The following PATZ1 variants were observed in gnomAD, a reference collection of about 807,000 sequenced individuals.
PATZ1 encodes the protein POZ/BTB and AT hook containing zinc finger 1.
PATZ1 carries 9 observed loss-of-function variants against 46.2 expected under a neutral mutation model. The observed-to-expected ratio is 0.19, with a 90% CI of 0.12 to 0.34. PATZ1 has a LOEUF of 0.34. Ranked by LOEUF, PATZ1 falls within the 10% of genes least tolerant of loss-of-function variation. The pLI, the probability that PATZ1 is intolerant of heterozygous loss-of-function variation, is 1.00. For missense variants in PATZ1, 632 were observed against 923.0 expected (o/e 0.68, Z 4.08); for synonymous variants, 426 against 378.6 (o/e 1.13, Z -1.45).
chr22:31,341,770 G>A, intron 2 of PATZ1: 1 of 1,174,152 alleles, frequency 8.5e-7, no homozygotes, highest in East Asian at 2.4e-5. Context: ...ACTCTGCCCG[G>A]GCTAATCAGC....
rs187436867 is a variant in PATZ1 at position 31,335,558 on chromosome 22, T to C, written c.1507+134A>G. On this transcript the variant is annotated intron_variant, in intron 3 of 4. Transcript: ENST00000266269. Reference sequence around the variant, plus strand: ...AATAGCTAGTTGGGTGATGAAGGTGTTTATCATTCAGTGGGAAGTAGGGGG... The same window carrying C: ...AATAGCTAGTTGGGTGATGAAGGTGCTTATCATTCAGTGGGAAGTAGGGGG... 4.0e-5 allele frequency: 32 copies of C among 793,662 alleles called. No individual in the cohort carries two copies. The East Asian group carries it at 5.5e-4, about 14-fold the overall frequency. The allele number at this position is 793,662 out of a possible 1,614,324, so 49.2% of individuals were successfully genotyped here.
At position 31,345,451 on chromosome 22, in the gene PATZ1, C is replaced by T. The variant is rs2049641475; in HGVS notation, c.152G>A (p.Ser51Asn). 6.2e-7 allele frequency: 1 copy of T among 1,612,452 alleles called. No homozygotes were observed. The highest frequency in any genetic ancestry group is 8.5e-7 in the Non-Finnish European group (1 of 1,179,750). ...CAGCACGGCGCGGTGCGCTGGGAAG[C>T]TCTCGTCGCCTACCCGCAAGAGCAC... ...CDVLLRVGDE[S>N]FPAHRAVLAA... The change falls in exon 1 of 5, where the codon AGC (serine) becomes AAC (asparagine). Residue 51 changes from serine to asparagine, a missense_variant. Transcript: ENST00000266269. This position sits in a 1 kb window ranked among gnomAD's most constrained non-coding sequence, Gnocchi z 7.4.
In PATZ1 at chr22:31,326,838, G is replaced by C. The variant is rs912711050; in HGVS notation, c.*53C>G. 2.7e-6 allele frequency: 4 copies of C among 1,484,292 alleles called. No individual in the cohort carries two copies. The African/African-American group carries it at 5.6e-5, about 21-fold the overall frequency. 91.9% of individuals were successfully genotyped at this position (1,484,292 alleles called of 1,614,324 possible). A position where few individuals can be genotyped will look rare whatever the true frequency, so the allele number is the denominator to read the frequency against. ...AACATCACTTCCCTCCGCATTCACA[G>C]CATTTCCCAGCAGTCCCCAGATGGT... is the stretch of plus-strand genomic sequence containing the variant. On this transcript the variant is annotated 3_prime_UTR_variant, in exon 5 of 5. Transcript: ENST00000266269.
chr22:31,337,874 A>G (rs1163116376), intron 2 of PATZ1: 1 of 152,230 alleles, frequency 6.6e-6, no homozygotes, highest in African/African-American at 2.4e-5. Context: ...CTGTACAGCC[A>G]TAGCAAGAAA....
At chr22:31,333,780 GC>G (rs2049475139) in intron 3 of PATZ1, among the ~76,000 whole-genome samples, 1 of 152,158 alleles carries the variant, frequency 6.6e-6, no homozygotes. Context: ...TATGGCTGTT[GC>G]CCAAGTTCTC....
chr22:31,344,721 G>A lies in PATZ1; in HGVS notation c.882C>T (p.Cys294=), dbSNP rs1337705475. 2 of 1,611,502 alleles carry A rather than the reference G, an allele frequency of 1.2e-6. No homozygotes were observed. The highest frequency in any genetic ancestry group is 1.7e-6 in the Non-Finnish European group (2 of 1,178,320). ...GGLREAGILP[C]GLCGKVFTDA... The stretch of plus-strand genomic sequence containing the variant: ...CAGTGAACACCTTACCACATAGACC[G>A]CATGGAAGGATGCCTGCCTCCCTCA... Residue 294 remains cysteine, a synonymous_variant, in exon 1 of 5, where the codon TGC becomes TGT. Coordinates refer to ENST00000266269, the MANE Select transcript of PATZ1 (RefSeq NM_014323.3).
At chr22:31,343,997 C>T (rs1417710130) in intron 1 of PATZ1, among the ~76,000 whole-genome samples, 5 of 152,174 alleles carry the variant, frequency 3.3e-5, no homozygotes, top group African/African-American at 7.2e-5. Context: ...CAGTCTCCCG[C>T]CCCCAGAGGG....
In PATZ1 at chr22:31,342,821, G is replaced by GCGGCTGGCTCAAGGCTGCGAC. The variant is rs1235460085; in HGVS notation, c.1335+55_1335+75dup. ...GTCAGCCGGGCCCCCGGCACACGCA[G>GCGGCTGGCTCAAGGCTGCGAC]CGGCTGGCTCAAGGCTGCGACCGTG... On this transcript the variant is annotated intron_variant, in intron 2 of 4. Transcript: ENST00000266269. 9 of 1,533,894 alleles carry GCGGCTGGCTCAAGGCTGCGAC rather than the reference G, an allele frequency of 5.9e-6. No individual in the cohort carries two copies. In the African/African-American group the frequency reaches 1.2e-4, roughly 21 times the overall value.
At chr22:31,343,167 G>T (rs1033149510) in intron 1 of PATZ1, 2 of 1,306,388 alleles carry the variant, frequency 1.5e-6, no homozygotes. Flanking sequence ...TCTGGAGGGG[G>T]GAAGAGAAAT....
rs2049388433 is a variant in PATZ1, at chr22:31,327,958, C to T, written c.1646-649G>A. Among the ~76,000 whole-genome samples, 1 of 152,236 alleles carries T rather than the reference C, an allele frequency of 6.6e-6. No homozygotes were observed. The highest frequency in any genetic ancestry group is 1.5e-5 in the Non-Finnish European group (1 of 68,050). On this transcript the variant is annotated intron_variant, in intron 4 of 4. Coordinates refer to ENST00000266269, the MANE Select transcript of PATZ1 (RefSeq NM_014323.3). The surrounding 1 kb of genome is among the most constrained non-coding windows in gnomAD (Gnocchi z 4.2). ...TACTACTCAGTCGGCTGGGTGTCCC[C>T]ACCCTAGGCCCCAGACAAGCTGGGC...
At chr22:31,343,368 C>T (rs2049607409) in intron 1 of PATZ1, 4 of 989,028 alleles carry the variant, frequency 4.0e-6, no homozygotes, top group Non-Finnish European at 4.8e-6. Flanking sequence ...CCTCCCCCAG[C>T]CTCTCCCGCC....
chr22:31,341,705 C>T (rs750210883), intron 2 of PATZ1: 1 of 1,586,380 alleles, frequency 6.3e-7, no homozygotes, highest in Admixed American at 1.8e-5. Context: ...GCAGAGAGTG[C>T]AGGTTACCCC....
Position 31,345,276 on chromosome 22 carries a change from G to A in PATZ1, c.327C>T (p.Ile109=), listed in dbSNP as rs140597902. Residue 109 remains isoleucine, a synonymous_variant, in exon 1 of 5, where the codon ATC becomes ATT. Coordinates refer to ENST00000266269, the MANE Select transcript of PATZ1 (RefSeq NM_014323.3). The surrounding 1 kb of genome is among the most constrained non-coding windows in gnomAD (Gnocchi z 7.4). ...GGSRELEMHT[I]SSKVFGDILD... ...GAATGTCCCCAAATACCTTGGAGCT[G>A]ATAGTGTGCATCTCCAGCTCCCGGC... 91 of 1,612,734 alleles carry A rather than the reference G, an allele frequency of 5.6e-5. No individual in the cohort carries two copies. The African/African-American group carries it at 1.0e-3, about 18-fold the overall frequency.
In PATZ1 at chr22:31,328,917, G is replaced by C; in HGVS notation, c.1515C>G (p.Ser505=). Residue 505 remains serine, a synonymous_variant, in exon 4 of 5, where the codon TCC becomes TCG. Coordinates refer to ENST00000266269, the MANE Select transcript of PATZ1 (RefSeq NM_014323.3). This position sits in a 1 kb window ranked among gnomAD's most constrained non-coding sequence, Gnocchi z 4.8. ...CATGGACCTTTAAGTAGGAGGCAGA[G>C]GAGAAACCTAAACAAGACAAAAGGA... ...NFCSICNRGF[S]SASYLKVHVK... is the part of the protein sequence containing the mutation. 1 of 1,613,568 alleles carries C rather than the reference G, an allele frequency of 6.2e-7. No homozygotes were observed. The highest frequency in any genetic ancestry group is 8.5e-7 in the Non-Finnish European group (1 of 1,179,696).
In PATZ1 at chr22:31,345,891, G is replaced by T. The variant is rs2049650198; in HGVS notation, c.-289C>A. On this transcript the variant is annotated 5_prime_UTR_variant, in exon 1 of 5. Transcript: ENST00000266269. The surrounding 1 kb of genome is among the most constrained non-coding windows in gnomAD (Gnocchi z 7.4). ...TCCCCTTCCCGGTCTACCTTCCGGGGGGGTGCGCGAGCGAAGAGGTGCGCC... is the reference window on the plus strand; with the variant it reads ...TCCCCTTCCCGGTCTACCTTCCGGGTGGGTGCGCGAGCGAAGAGGTGCGCC... The T allele has an allele frequency of 8.3e-6, 3 of 363,612 alleles. No homozygotes were observed. The Admixed American group carries it at 1.4e-4, about 17-fold the overall frequency. The allele number at this position is 363,612 out of a possible 1,614,324, so 22.5% of individuals were successfully genotyped here. A position where few individuals can be genotyped will look rare whatever the true frequency, so the allele number is the denominator to read the frequency against.
chr22:31,344,231 T>C, intron 1 of PATZ1, 101 bp downstream of exon 1: 1 of 1,097,784 alleles, frequency 9.1e-7, no homozygotes, highest in South Asian at 1.5e-5. Flanking sequence ...TTCTATAAGG[T>C]CAAATGACCC....
At chr22:31,341,559 GA>G in intron 2 of PATZ1, 3 of 1,614,144 alleles carry the variant, frequency 1.9e-6, no homozygotes, top group Non-Finnish European at 2.5e-6. Flanking sequence ...TAGAGAAAGG[GA>G]AAAGGCGGTG....
intron 2 of PATZ1, among the ~76,000 whole-genome samples, chr22:31,338,361 AAC>A (rs1411908615): frequency 1.3e-5 from 2 of 152,244 alleles, no homozygotes; most frequent in African/African-American, 4.8e-5. Flanking sequence ...CATACTTTAT[AAC>A]ACAGTGTACA....
At position 31,345,370 on chromosome 22, in the gene PATZ1, C is replaced by G; in HGVS notation, c.233G>C (p.Gly78Ala). ...ATCAGCCGGACCCCCGTCCGCAGCT[C>G]CGCCGTCGCCCAACTGGGCGCTGAA... ...SVFSAQLGDGGAADGGPADVG... is the reference protein window; with the variant it reads ...SVFSAQLGDGAAADGGPADVG... The change falls in exon 1 of 5, where the codon GGA becomes GCA. Residue 78 changes from glycine to alanine, a missense_variant. Around this residue, in one of 7 missense-constraint regions of PATZ1, gnomAD observed 62 missense variants for 67.9 expected, o/e 0.91. Coordinates refer to ENST00000266269, the MANE Select transcript of PATZ1 (RefSeq NM_014323.3). The surrounding 1 kb of genome is among the most constrained non-coding windows in gnomAD (Gnocchi z 7.4). 1 of 1,606,864 alleles carries G rather than the reference C, an allele frequency of 6.2e-7. No homozygotes were observed. The highest frequency in any genetic ancestry group is 8.5e-7 in the Non-Finnish European group (1 of 1,175,420).
Sources: allele counts gnomAD v4.1 joint callset (sites outside exome capture counted in the v4.1 genomes callset), GRCh38; gene constraint gnomAD v4.1.1; regional missense constraint gnomAD v4.1.1; non-coding constraint Gnocchi (gnomAD v3.1); transcripts MANE v1.5; gene names NCBI Gene and HGNC (gene_info 2026-07-23, HGNC 2026-07-21).